CDIN1: variants seen among roughly 807,000 people sequenced by gnomAD.
CDIN1 encodes CDAN1-interacting nuclease 1.
In CDIN1, 33 loss-of-function variants were observed where a neutral mutation model predicts 45.3. That is an observed-to-expected ratio of 0.73 (90% CI 0.55 to 0.97). CDIN1 has a LOEUF of 0.97. Among genes scored for constraint, CDIN1 ranks in the 50% least tolerant of loss-of-function variants. The pLI is 0.00. For missense variants in CDIN1, 303 were observed against 339.4 expected (o/e 0.89, Z 0.84); for synonymous variants, 118 against 124.4 (o/e 0.95, Z 0.34).
intron 1 of CDIN1, among the ~76,000 whole-genome samples, chr15:36,621,472 A>G (rs1442548758): frequency 6.6e-6 from 1 of 152,212 alleles, no homozygotes; most frequent in Non-Finnish European, 1.5e-5. Context: ...ATATTTACTC[A>G]GTTTGAAACT....
At chr15:36,773,189 A>T (rs1247875761) in intron 10 of CDIN1, among the ~76,000 whole-genome samples, 1 of 152,050 alleles carries the variant, frequency 6.6e-6, no homozygotes, top group Non-Finnish European at 1.5e-5. Context: ...GAAAACTGAG[A>T]TTTCTCTCCA....
Position 36,618,206 on chromosome 15 carries a change from A to T in CDIN1, c.102-26072A>T, listed in dbSNP as rs183278532. 96 of 678,432 alleles carry T rather than the reference A, an allele frequency of 1.4e-4. 1 individual carries two copies. The East Asian group carries it at 2.4e-3, about 17-fold the overall frequency. 42.0% of individuals were successfully genotyped at this position (678,432 alleles called of 1,614,324 possible). A position where few individuals can be genotyped will look rare whatever the true frequency, so the allele number is the denominator to read the frequency against. On this transcript the variant is annotated intron_variant, in intron 1 of 10. Transcript: ENST00000566621. ...TATGGGTCGACCATTCCAAAAAAAAACCTGAAGCCTCATTTTAGGTCATCC... is the reference window on the plus strand; with the variant it reads ...TATGGGTCGACCATTCCAAAAAAAATCCTGAAGCCTCATTTTAGGTCATCC...
At chr15:36,649,708 A>G (rs560169882) in intron 3 of CDIN1, among the ~76,000 whole-genome samples, 3 of 152,322 alleles carry the variant, frequency 2.0e-5, no homozygotes, top group East Asian at 1.9e-4. Context: ...AGTAAAGATG[A>G]TAAGTTTATT....
intron 1 of CDIN1, among the ~76,000 whole-genome samples, chr15:36,581,959 T>A (rs2037067509): frequency 6.6e-6 from 1 of 152,250 alleles, no homozygotes; most frequent in Admixed American, 6.5e-5. Flanking sequence ...ATGTCACCTT[T>A]CATTATACAA....
intron 1 of CDIN1, among the ~76,000 whole-genome samples, chr15:36,625,622 C>G (rs2039391093): frequency 1.3e-5 from 2 of 152,206 alleles, no homozygotes; most frequent in East Asian, 1.9e-4. Context: ...GATGCAGCCA[C>G]AAACTTGTTT....
chr15:36,584,927 T>C (rs1008690412), intron 1 of CDIN1, among the ~76,000 whole-genome samples: 1 of 152,228 alleles, frequency 6.6e-6, no homozygotes, highest in Non-Finnish European at 1.5e-5. Context: ...ATTTGAAGAC[T>C]TTCTGTAATG....
chr15:36,704,608 T>G (rs993459551), intron 8 of CDIN1: 1 of 151,588 alleles, frequency 6.6e-6, no homozygotes, highest in African/African-American at 2.4e-5. Context: ...AATTAGTTAC[T>G]AGAGTAGAAA....
chr15:36,800,879 A>ATGTG (rs1163549097), intron 10 of CDIN1, among the ~76,000 whole-genome samples: 57 of 82,494 alleles, frequency 6.9e-4, no homozygotes, highest in African/African-American at 1.4e-3. Context: ...GTGTGTATAT[A>ATGTG]TGTGTGTGTG....
At chr15:36,613,912 G>T (rs2038765631) in intron 1 of CDIN1, 1 of 1,547,578 alleles carries the variant, frequency 6.5e-7, no homozygotes, top group Admixed American at 1.7e-5. Context: ...AGAATGAGCT[G>T]AGCTGGCAGA....
At chr15:36,605,616 C>G (rs935415568) in intron 1 of CDIN1, among the ~76,000 whole-genome samples, 2 of 152,192 alleles carry the variant, frequency 1.3e-5, no homozygotes, top group African/African-American at 4.8e-5. Flanking sequence ...CACTTGGTTT[C>G]CAAGGTCTAA....
At chr15:36,696,924 C>G (rs181471679) in intron 7 of CDIN1, among the ~76,000 whole-genome samples, 74 of 129,020 alleles carry the variant, frequency 5.7e-4, no homozygotes, top group African/African-American at 2.0e-3. Flanking sequence ...CCAGCCTGAG[C>G]AACATAGTGC....
At chr15:36,764,603 C>CTTTTTATGG (rs2053862598) in intron 10 of CDIN1, among the ~76,000 whole-genome samples, 2 of 152,170 alleles carry the variant, frequency 1.3e-5, no homozygotes, top group Admixed American at 1.3e-4. Flanking sequence ...CAAGCTTTTT[C>CTTTTTATGG]TTTTTATGGT....
chr15:36,762,590 C>A (rs2053798705), intron 10 of CDIN1, among the ~76,000 whole-genome samples: 1 of 152,018 alleles, frequency 6.6e-6, no homozygotes, highest in Non-Finnish European at 1.5e-5. Flanking sequence ...GTGTGCTGCA[C>A]CCATTAACTC....
At chr15:36,698,222 A>T (rs1315078705) in intron 8 of CDIN1, among the ~76,000 whole-genome samples, 1 of 152,228 alleles carries the variant, frequency 6.6e-6, no homozygotes, top group Non-Finnish European at 1.5e-5. Flanking sequence ...GAAATGTCAA[A>T]TAAGGAAGAG....
At chr15:36,705,280 T>C (rs890284094) in intron 8 of CDIN1, 4 of 152,148 alleles carry the variant, frequency 2.6e-5, no homozygotes, top group African/African-American at 7.2e-5. Context: ...CAAGATACTA[T>C]CTAGTTCATC....
intron 10 of CDIN1, among the ~76,000 whole-genome samples, chr15:36,728,473 G>GGGTTACCA (rs2043720207): frequency 6.6e-6 from 1 of 151,486 alleles, no homozygotes; most frequent in African/African-American, 2.4e-5. Context: ...CAGCCCTGAT[G>GGGTTACCA]ATAGCTCTTC....
In CDIN1 at chr15:36,715,566, C is replaced by CCTTA. The variant is rs560745457; in HGVS notation, c.716+5606_716+5609dup. Among the ~76,000 whole-genome samples the CCTTA allele has an allele frequency of 5.2e-4, 79 of 151,690 alleles. 3 individuals carry two copies. The South Asian group carries it at 0.016, about 30-fold the overall frequency. Reference sequence around the variant, plus strand: ...CATCTGTCTTAAGTTGGAGTATGTGCCTTAGCAATAGAAGCTCTTGCAAAC... The same window carrying CCTTA: ...CATCTGTCTTAAGTTGGAGTATGTGCCTTACTTAGCAATAGAAGCTCTTGCAAAC... On this transcript the variant is annotated intron_variant, in intron 10 of 10. Transcript: ENST00000566621.
At chr15:36,624,248 G>A (rs530499849) in intron 1 of CDIN1, among the ~76,000 whole-genome samples, 2 of 152,298 alleles carry the variant, frequency 1.3e-5, no homozygotes, top group East Asian at 3.9e-4. Context: ...AAACAGGGAA[G>A]GCATTTGTAG....
chr15:36,583,802 G>A (rs2037161418), intron 1 of CDIN1, among the ~76,000 whole-genome samples: 1 of 152,128 alleles, frequency 6.6e-6, no homozygotes, highest in Non-Finnish European at 1.5e-5. Context: ...AGATCACGAG[G>A]TCAGGAGATC....
Sources: gnomAD v4.1 joint callset for allele counts (sites outside exome capture counted in the v4.1 genomes callset) on GRCh38, gnomAD v4.1.1 for gene constraint, MANE v1.5 for transcripts, NCBI Gene and HGNC (gene_info 2026-07-23, HGNC 2026-07-21) for gene names.